Variants in NEBL observed in about 807,000 individuals in gnomAD.
NEBL encodes the protein LIM and SH3 protein 2.
In NEBL, 122 loss-of-function variants were observed where a neutral mutation model predicts 140.2. The observed-to-expected ratio is 0.87, with a 90% CI of 0.75 to 1.01. The LOEUF (loss-of-function observed/expected upper bound fraction) is 1.01, where lower values mean the gene tolerates loss of function less well. Ranked by LOEUF, NEBL falls within the 50% of genes least tolerant of loss-of-function variation. The probability of loss-of-function intolerance (pLI) is 0.00; values close to 1 mark genes in which losing one functional copy is unlikely to be tolerated. For synonymous variants in NEBL, 436 were observed against 398.9 expected (o/e 1.09, Z -1.11); for missense variants, 1,365 against 1,231.3 (o/e 1.11, Z -1.62).
chr10:21,001,862 T>C (rs1325234270), intron 3 of NEBL, among the ~76,000 whole-genome samples: 1 of 152,166 alleles, frequency 6.6e-6, no homozygotes, highest in Non-Finnish European at 1.5e-5. Flanking sequence ...TGATGTACCC[T>C]TTCTCTCCAC....
At chr10:21,269,586 G>C (rs899812505) in intron 1 of NEBL, among the ~76,000 whole-genome samples, 1 of 152,086 alleles carries the variant, frequency 6.6e-6, no homozygotes, top group South Asian at 2.1e-4. Flanking sequence ...GACTTCAAAG[G>C]CTACACCCTC....
chr10:20,939,661 C>T (rs1004740229), intron 4 of NEBL, among the ~76,000 whole-genome samples: 28 of 152,088 alleles, frequency 1.8e-4, no homozygotes, highest in African/African-American at 6.0e-4. Flanking sequence ...AGAGTCAAGA[C>T]CCATCCGTGT....
chr10:21,081,273 G>T (rs1470187107), intron 2 of NEBL, among the ~76,000 whole-genome samples: 2 of 152,152 alleles, frequency 1.3e-5, no homozygotes, highest in Non-Finnish European at 2.9e-5. Context: ...AATCAATGGG[G>T]CCACCATTTG....
chr10:21,127,160 C>T (rs1564520673), intron 2 of NEBL, among the ~76,000 whole-genome samples: 3 of 151,942 alleles, frequency 2.0e-5, no homozygotes. Flanking sequence ...TGATCCCCAC[C>T]GAGGGAGGCT....
intron 9 of NEBL, among the ~76,000 whole-genome samples, chr10:20,855,954 A>C (rs892083345): frequency 6.6e-6 from 1 of 152,196 alleles, no homozygotes; most frequent in Non-Finnish European, 1.5e-5. Context: ...TTTACATTAA[A>C]ATGTTAAAGT....
intron 11 of NEBL, among the ~76,000 whole-genome samples, chr10:20,846,493 C>T (rs1019476858): frequency 6.6e-6 from 1 of 152,072 alleles, no homozygotes; most frequent in Non-Finnish European, 1.5e-5. Context: ...GTGGATATAG[C>T]CACAAGGAGA....
At chr10:21,241,841 T>A (rs1187092257) in intron 3 of NEBL, among the ~76,000 whole-genome samples, 1 of 152,224 alleles carries the variant, frequency 6.6e-6, no homozygotes, top group East Asian at 1.9e-4. Context: ...AAGTTCTTTA[T>A]AGACCTGGGA....
At chr10:20,821,013 T>G (rs1422128148) in intron 19 of NEBL, among the ~76,000 whole-genome samples, 1 of 152,154 alleles carries the variant, frequency 6.6e-6, no homozygotes, top group Non-Finnish European at 1.5e-5. Flanking sequence ...GTATGTAGTT[T>G]GAGATGTTAC....
Position 21,082,535 on chromosome 10 carries a change from T to TAAAAAAA in NEBL, c.165-62341_165-62335dup, listed in dbSNP as rs61234594. 5.1e-3 allele frequency among the ~76,000 whole-genome samples: 592 copies of TAAAAAAA among 117,198 alleles called. 18 individuals carry two copies. The highest frequency in any genetic ancestry group is 0.015 in the African/African-American group (380 of 25,224). 76.9% of individuals were successfully genotyped at this position (117,198 alleles called of 152,430 possible). On this transcript the variant is annotated intron_variant, in intron 2 of 6. Transcript: ENST00000417816. ...AGTTTGAAGTGTTCCCCACCACCAC[T>TAAAAAAA]AAAAAAAAAAAAAAAAAAAAAAAAA...
Position 20,845,366 on chromosome 10 carries a change from T to C in NEBL, c.1119A>G (p.Lys373=), listed in dbSNP as rs1381516485. The part of the protein sequence containing the change: ...SKEAQKMQSE[K]VYKEDFEKEI... ...CCTTCTCAAAATCCTCTTTGTAAAC[T>C]TTCTGTTAAATAAGACCACATAATT... Residue 373 remains lysine (K), a splice_region_variant and synonymous_variant, in exon 12 of 28, where the codon AAA becomes AAG. Transcript: ENST00000377122. The C allele has an allele frequency of 1.0e-5, 16 of 1,553,260 alleles. No homozygotes were observed. Among genetic ancestry groups the C allele is most frequent in the Non-Finnish European group, 1.3e-5 (15 of 1,125,314 alleles).
At chr10:21,034,348 A>G (rs887443639) in intron 2 of NEBL, among the ~76,000 whole-genome samples, 2 of 152,082 alleles carry the variant, frequency 1.3e-5, no homozygotes, top group African/African-American at 4.8e-5. Flanking sequence ...AACCACTACC[A>G]CCGGCATACT....
intron 4 of NEBL, among the ~76,000 whole-genome samples, chr10:20,916,473 C>A (rs1443769928): frequency 6.6e-6 from 1 of 152,206 alleles, no homozygotes; most frequent in Non-Finnish European, 1.5e-5. Context: ...GTGGCACGAT[C>A]TTGGCTCACC....
chr10:20,992,455 C>T (rs60226954), intron 3 of NEBL, among the ~76,000 whole-genome samples: 30,754 of 152,102 alleles, frequency 0.2, 6,772 homozygotes, highest in African/African-American at 0.54. Flanking sequence ...TGCAGAATTC[C>T]TCTTTTGAGT....
chr10:20,854,563 T>TC (rs1459084230), intron 9 of NEBL, among the ~76,000 whole-genome samples: 1 of 138,688 alleles, frequency 7.2e-6, no homozygotes, highest in Non-Finnish European at 1.6e-5. Context: ...ATATAGTACT[T>TC]TTTTTTTTTT....
intron 3 of NEBL, among the ~76,000 whole-genome samples, chr10:21,213,510 G>A (rs142519013): frequency 1.6e-4 from 24 of 152,210 alleles, no homozygotes; most frequent in African/African-American, 5.5e-4. Context: ...CAAGTTACAG[G>A]GCTGACCAAG....
intron 3 of NEBL, among the ~76,000 whole-genome samples, chr10:21,183,808 T>C (rs1338401207): frequency 2.0e-5 from 3 of 152,060 alleles, no homozygotes; most frequent in Non-Finnish European, 2.9e-5. Flanking sequence ...ACAATTCCCA[T>C]GTGTTGTGGG....
intron 2 of NEBL, among the ~76,000 whole-genome samples, chr10:21,022,850 T>A (rs1838853227): frequency 6.6e-6 from 1 of 152,222 alleles, no homozygotes; most frequent in Non-Finnish European, 1.5e-5. Context: ...CTCTAGATAG[T>A]CAAGTTGTTT....
intron 3 of NEBL, among the ~76,000 whole-genome samples, chr10:20,968,016 CAA>C (rs1448197256): frequency 6.6e-6 from 1 of 151,312 alleles, no homozygotes. Flanking sequence ...TTCAGTCAGC[CAA>C]AGACTTGGGT....
At chr10:21,015,421 A>T (rs560738951) in intron 3 of NEBL, among the ~76,000 whole-genome samples, 9 of 152,260 alleles carry the variant, frequency 5.9e-5, no homozygotes, top group Admixed American at 1.3e-4. Context: ...CTTCCCTTCC[A>T]ATAAGAGTGT....
Sources: allele counts gnomAD v4.1 joint callset (sites outside exome capture counted in the v4.1 genomes callset), GRCh38; gene constraint gnomAD v4.1.1; transcripts MANE v1.5; gene names NCBI Gene and HGNC (gene_info 2026-07-23, HGNC 2026-07-21).